The following PRH1 variants were observed in gnomAD, a reference collection of about 807,000 sequenced individuals.
PRH1 encodes salivary acidic proline-rich phosphoprotein 1/2.
In PRH1, 7 loss-of-function variants were observed where a neutral mutation model predicts 7.9. That is an observed-to-expected ratio of 0.89 (90% CI 0.50 to 1.67). The LOEUF (loss-of-function observed/expected upper bound fraction) is 1.67. Ranked by LOEUF, PRH1 falls within the 40% of genes most tolerant of loss-of-function variation. The pLI is 0.00. For synonymous variants in PRH1, 45 were observed against 80.8 expected (o/e 0.56, Z 2.38); for missense variants, 109 against 223.6 (o/e 0.49, Z 3.27).
intron 1 of PRH1, chr12:10,997,553 A>G (rs372823876): frequency 2.5e-6 from 4 of 1,613,980 alleles, no homozygotes; most frequent in Non-Finnish European, 3.4e-6. Flanking sequence ...GACGATCTTG[A>G]GCAAATAAAA....
chr12:10,966,425 A>C (rs1214008536), intron 2 of PRH1, among the ~76,000 whole-genome samples: 1 of 152,136 alleles, frequency 6.6e-6, no homozygotes, highest in Non-Finnish European at 1.5e-5. Flanking sequence ...TCCACATTGG[A>C]GTTTCTTTTC....
intron 1 of PRH1, among the ~76,000 whole-genome samples, chr12:11,129,483 C>G (rs1946259111): frequency 6.6e-6 from 1 of 152,412 alleles, no homozygotes; most frequent in East Asian, 1.9e-4. Context: ...GAACTGGTCA[C>G]TGTCATGACA....
chr12:11,108,282 C>A (rs1945487366), intron 1 of PRH1, among the ~76,000 whole-genome samples: 1 of 152,074 alleles, frequency 6.6e-6, no homozygotes, highest in Non-Finnish European at 1.5e-5. Flanking sequence ...AAAACACAGA[C>A]TAATATAACA....
intron 1 of PRH1, chr12:10,997,691 A>G (rs1425637345): frequency 6.2e-7 from 1 of 1,613,790 alleles, no homozygotes; most frequent in African/African-American, 1.3e-5. Flanking sequence ...ATGTAATAAT[A>G]TTACCCAGAG....
intron 1 of PRH1, among the ~76,000 whole-genome samples, chr12:11,046,137 T>G (rs1217814002): frequency 1.3e-5 from 2 of 152,174 alleles, no homozygotes; most frequent in African/African-American, 4.8e-5. Context: ...TTAGTGTAAT[T>G]AATAAAAGTA....
chr12:11,089,093 G>A (rs1944798103), intron 1 of PRH1, among the ~76,000 whole-genome samples: 1 of 115,640 alleles, frequency 8.6e-6, no homozygotes, highest in South Asian at 2.4e-4. Context: ...GTGGCACAAG[G>A]AGTGATGGTA....
At chr12:11,054,914 G>A (rs1383310636) in intron 1 of PRH1, among the ~76,000 whole-genome samples, 2 of 144,310 alleles carry the variant, frequency 1.4e-5, no homozygotes, top group African/African-American at 2.6e-5. Flanking sequence ...CCGCCTCACT[G>A]CAAGCTCCGC....
chr12:11,084,115 C>T (rs796800310), intron 1 of PRH1, among the ~76,000 whole-genome samples: 24,451 of 90,434 alleles, frequency 0.27, 1,700 homozygotes, highest in East Asian at 0.35. Flanking sequence ...CCCCAGCCAA[C>T]AGGAGAAGGA....
intron 1 of PRH1, chr12:10,997,961 G>T: frequency 2.6e-6 from 2 of 782,044 alleles, no homozygotes; most frequent in Non-Finnish European, 2.0e-6. Flanking sequence ...AGTTAAATAT[G>T]CACTTGATTC....
chr12:11,031,305 T>C, intron 1 of PRH1: 3 of 1,612,182 alleles, frequency 1.9e-6, no homozygotes, highest in Non-Finnish European at 2.5e-6. Context: ...ACTACCACAC[T>C]GGAAAAAATG....
chr12:11,032,453 C>T (rs1329354208), intron 1 of PRH1, among the ~76,000 whole-genome samples: 1 of 152,166 alleles, frequency 6.6e-6, no homozygotes, highest in Non-Finnish European at 1.5e-5. Context: ...TTGCTGCTAA[C>T]ACTTTCGTAT....
upstream of PRH1, among the ~76,000 whole-genome samples, chr12:11,050,180 A>G (rs977130870): frequency 1.3e-5 from 2 of 152,158 alleles, no homozygotes; most frequent in Non-Finnish European, 2.9e-5. Context: ...CAGGGGTCTC[A>G]CAGCCTTCAG....
intron 1 of PRH1, among the ~76,000 whole-genome samples, chr12:11,004,288 A>C (rs1369052283): frequency 6.6e-6 from 1 of 152,108 alleles, no homozygotes; most frequent in African/African-American, 2.4e-5. Context: ...TCAGGTATGG[A>C]GTTCAAGGCC....
At chr12:10,966,984 G>A (rs1340579810) in intron 2 of PRH1, among the ~76,000 whole-genome samples, 3 of 151,854 alleles carry the variant, frequency 2.0e-5, no homozygotes, top group Admixed American at 6.6e-5. Context: ...GCCTGGTGGC[G>A]GGCACCTGTA....
rs753908700 is a variant in PRH1 at position 11,133,919 on chromosome 12, C to T, written n.40-12739G>A. On this transcript the variant is annotated intron_variant and non_coding_transcript_variant, in intron 1 of 1. Coordinates refer to the PRH1 transcript ENST00000541175. The stretch of plus-strand genomic sequence containing the variant: ...AATAAGGTTGGAGAAATTGGCAATC[C>T]TGAGCAAATAAAACATGCTGAGGCT... The T allele has an allele frequency of 2.4e-5, 39 of 1,613,602 alleles. No individual in the cohort carries two copies. The highest frequency in any genetic ancestry group is 2.0e-4 in the South Asian group (18 of 91,066).
intron 1 of PRH1, chr12:11,133,547 G>A (rs1235135834): frequency 8.7e-6 from 14 of 1,614,172 alleles, no homozygotes; most frequent in Non-Finnish European, 1.2e-5. Flanking sequence ...CAGAAGAAAG[G>A]AGGTCACAGT....
Position 11,022,289 on chromosome 12 carries a change from T to C in PRH1, c.-126+24731A>G, listed in dbSNP as rs752585725. 1.1e-5 allele frequency: 18 copies of C among 1,614,094 alleles called. No homozygotes were observed. In the Admixed American group the frequency reaches 2.0e-4, roughly 18 times the overall value. ...CTGAGGCTAGCAGCAAGCCACATGC[T>C]GAAATGGTTCGTTACAGCCCAGGCA... On this transcript the variant is annotated intron_variant, in intron 1 of 3. Transcript: ENST00000539853.
intron 1 of PRH1, among the ~76,000 whole-genome samples, chr12:11,121,937 C>T (rs1945919169): frequency 6.6e-6 from 1 of 152,098 alleles, no homozygotes; most frequent in African/African-American, 2.4e-5. Context: ...CTGATAAAAG[C>T]TATATGTTCT....
intron 1 of PRH1, among the ~76,000 whole-genome samples, chr12:11,020,529 C>T (rs1012620866): frequency 1.2e-4 from 18 of 151,998 alleles, no homozygotes; most frequent in African/African-American, 4.4e-4. Flanking sequence ...TTCAACAAGG[C>T]TGTACATTTC....
Sources: allele counts gnomAD v4.1 joint callset (sites outside exome capture counted in the v4.1 genomes callset), GRCh38; gene constraint gnomAD v4.1.1; transcripts MANE v1.5; gene names NCBI Gene and HGNC (gene_info 2026-07-23, HGNC 2026-07-21).